Variants in MGAT4C observed in about 807,000 individuals in gnomAD.
The protein encoded by MGAT4C is alpha-1,3-mannosyl-glycoprotein 4-beta-N-acetylglucosaminyltransferase C.
Under a neutral mutation model 40.1 loss-of-function variants are expected in MGAT4C, and 19 were observed. The ratio of observed to expected loss-of-function variants is 0.47; its 90% CI spans 0.33 to 0.70. MGAT4C has a LOEUF of 0.70. MGAT4C is among the 30% of genes least tolerant of loss of function. The pLI, the probability that MGAT4C is intolerant of heterozygous loss-of-function variation, is 0.02. For synonymous variants in MGAT4C, 181 were observed against 187.1 expected (o/e 0.97, Z 0.27); for missense variants, 491 against 563.2 (o/e 0.87, Z 1.30).
intron 2 of MGAT4C, among the ~76,000 whole-genome samples, chr12:86,686,762 T>C (rs535817785): frequency 2.0e-5 from 3 of 152,366 alleles, no homozygotes; most frequent in East Asian, 1.9e-4. Flanking sequence ...AATTTTCACA[T>C]TGATCTTCAT....
chr12:86,783,089 T>C, intron 1 of MGAT4C, among the ~76,000 whole-genome samples: 1 of 152,252 alleles, frequency 6.6e-6, no homozygotes, highest in Non-Finnish European at 1.5e-5. Context: ...TTAAGAAAAA[T>C]GATAATATAT....
At chr12:86,771,126 T>A (rs750487436) in intron 1 of MGAT4C, among the ~76,000 whole-genome samples, 1 of 152,156 alleles carries the variant, frequency 6.6e-6, no homozygotes, top group Non-Finnish European at 1.5e-5. Context: ...GACAGCCATA[T>A]TCAAGCTAAG....
intron 2 of MGAT4C, among the ~76,000 whole-genome samples, chr12:86,626,535 G>A (rs886354632): frequency 2.6e-5 from 4 of 152,136 alleles, no homozygotes; most frequent in Non-Finnish European, 4.4e-5. Context: ...AGGCAGTACA[G>A]ATTAAGATAA....
At chr12:86,591,202 A>C (rs1044367071) in intron 2 of MGAT4C, among the ~76,000 whole-genome samples, 6 of 152,034 alleles carry the variant, frequency 3.9e-5, no homozygotes, top group African/African-American at 1.4e-4. Context: ...ATAACAAAGT[A>C]GTTAGCAAAT....
At chr12:86,292,515 C>T (rs1228263838) in intron 4 of MGAT4C, among the ~76,000 whole-genome samples, 2 of 151,654 alleles carry the variant, frequency 1.3e-5, no homozygotes, top group Non-Finnish European at 2.9e-5. Context: ...GCCCATTTTC[C>T]CCCAAATTCA....
At chr12:86,148,448 CAGAG>C (rs1462329530) in intron 1 of MGAT4C, among the ~76,000 whole-genome samples, 2 of 152,192 alleles carry the variant, frequency 1.3e-5, no homozygotes, top group African/African-American at 4.8e-5. Context: ...CTTGCATTCT[CAGAG>C]AGAAGGGTAT....
chr12:86,724,302 C>T (rs1950786992), intron 2 of MGAT4C, among the ~76,000 whole-genome samples: 1 of 152,140 alleles, frequency 6.6e-6, no homozygotes, highest in African/African-American at 2.4e-5. Context: ...TGTTGTGTCT[C>T]CCCAAATTGT....
At chr12:86,452,457 G>A (rs1253027279) in intron 2 of MGAT4C, among the ~76,000 whole-genome samples, 1 of 150,284 alleles carries the variant, frequency 6.7e-6, no homozygotes, top group African/African-American at 2.5e-5. Context: ...CTTGTCTTGT[G>A]TGACTGCCAG....
In MGAT4C at chr12:85,959,297, T is replaced by C. The variant is rs545052018; in HGVS notation, c.*19992A>G. On this transcript the variant is annotated 3_prime_UTR_variant, in exon 5 of 5. Transcript: ENST00000611864. ...ATGAAGACTAGAAGATTTACACTCATAAGATCATGTAAATTTATTTGGATA... is the reference window on the plus strand; with the variant it reads ...ATGAAGACTAGAAGATTTACACTCACAAGATCATGTAAATTTATTTGGATA... The C allele has an allele frequency of 6.6e-6, 1 of 152,192 alleles. No individual in the cohort carries two copies. The highest frequency in any genetic ancestry group is 1.9e-4 in the East Asian group (1 of 5,188). The allele number at this position is 152,192 out of a possible 1,614,324, so 9.4% of individuals were successfully genotyped here.
At chr12:86,208,525 T>A (rs529970748) in intron 1 of MGAT4C, among the ~76,000 whole-genome samples, 16 of 152,188 alleles carry the variant, frequency 1.1e-4, no homozygotes, top group African/African-American at 1.7e-4. Context: ...GTAATTTTTT[T>A]AAAAAGCTTC....
chr12:86,693,697 T>C (rs1389882131), intron 2 of MGAT4C, among the ~76,000 whole-genome samples: 2 of 152,178 alleles, frequency 1.3e-5, no homozygotes, highest in Non-Finnish European at 2.9e-5. Flanking sequence ...AGTTTTATTT[T>C]ACTGTCATTC....
intron 2 of MGAT4C, among the ~76,000 whole-genome samples, chr12:86,609,205 A>G (rs962680357): frequency 2.6e-5 from 4 of 152,184 alleles, no homozygotes; most frequent in African/African-American, 9.6e-5. Flanking sequence ...GGGAAAATAA[A>G]TGGAGAGACA....
At chr12:85,990,348 T>TA (rs1395015489) in intron 2 of MGAT4C, among the ~76,000 whole-genome samples, 1 of 152,132 alleles carries the variant, frequency 6.6e-6, no homozygotes, top group Admixed American at 6.5e-5. Context: ...CATTATTTTA[T>TA]AAAAAAGTAT....
chr12:86,730,185 T>G (rs1171055726), intron 1 of MGAT4C, among the ~76,000 whole-genome samples: 2 of 152,036 alleles, frequency 1.3e-5, no homozygotes, highest in Non-Finnish European at 2.9e-5. Context: ...TGTTTATCAC[T>G]GTAAAGAAAT....
chr12:86,633,971 G>T (rs79641405), intron 2 of MGAT4C, among the ~76,000 whole-genome samples: 7,936 of 151,956 alleles, frequency 0.052, 240 homozygotes, highest in Middle Eastern at 0.16. Flanking sequence ...CTTCCCATGG[G>T]TGTTTCTAAC....
chr12:86,412,292 T>G (rs1002156265), intron 3 of MGAT4C, among the ~76,000 whole-genome samples: 1 of 152,154 alleles, frequency 6.6e-6, no homozygotes, highest in Non-Finnish European at 1.5e-5. Flanking sequence ...GCTTGCACCA[T>G]GCACCTGGAA....
At chr12:86,277,636 C>T (rs571939342) in intron 4 of MGAT4C, among the ~76,000 whole-genome samples, 7 of 152,136 alleles carry the variant, frequency 4.6e-5, no homozygotes, top group African/African-American at 7.2e-5. Context: ...TCCCCAACAC[C>T]ATTTATTTAA....
At chr12:86,770,293 G>A (rs971222263) in intron 1 of MGAT4C, among the ~76,000 whole-genome samples, 1 of 151,926 alleles carries the variant, frequency 6.6e-6, no homozygotes, top group Non-Finnish European at 1.5e-5. Flanking sequence ...TTATATGAAT[G>A]CAGACTTTAA....
chr12:86,075,225 G>A lies in MGAT4C; in HGVS notation c.-56-25502C>T, dbSNP rs543762583. 3.9e-5 allele frequency among the ~76,000 whole-genome samples: 6 copies of A among 152,162 alleles called. No individual in the cohort carries two copies. In the South Asian group the frequency reaches 8.3e-4, roughly 21 times the overall value. The stretch of plus-strand genomic sequence containing the variant: ...TTCCAAATGGGAGAAATTGGCCAAC[G>A]CCAAGGGGTTACAGGACCATGCAAG... On this transcript the variant is annotated intron_variant, in intron 1 of 4. Coordinates refer to ENST00000611864, the MANE Select transcript of MGAT4C (RefSeq NM_001351288.2).
Sources: gnomAD v4.1 joint callset for allele counts (sites outside exome capture counted in the v4.1 genomes callset) on GRCh38, gnomAD v4.1.1 for gene constraint, MANE v1.5 for transcripts, NCBI Gene and HGNC (gene_info 2026-07-23, HGNC 2026-07-21) for gene names.